The following TSPEAR variants were observed in gnomAD, a reference collection of about 807,000 sequenced individuals.
TSPEAR encodes the protein thrombospondin-type laminin G domain and EAR repeat-containing protein.
TSPEAR carries 69 observed loss-of-function variants against 71.6 expected under a neutral mutation model. The ratio of observed to expected loss-of-function variants is 0.96; its 90% CI spans 0.79 to 1.18. TSPEAR has a LOEUF of 1.18. TSPEAR is among the 50% of genes most tolerant of loss of function. The probability of loss-of-function intolerance (pLI) is 0.00; values close to 1 mark genes in which losing one functional copy is unlikely to be tolerated. For synonymous variants in TSPEAR, 402 were observed against 387.2 expected, an observed-to-expected ratio of 1.04 and a Z score of -0.45; for missense variants, 971 against 894.9, an observed-to-expected ratio of 1.09 and a Z score of -1.09.
intron 1 of TSPEAR, among the ~76,000 whole-genome samples, chr21:44,594,798 T>C (rs1226832119): frequency 6.6e-6 from 1 of 150,952 alleles, no homozygotes; most frequent in Non-Finnish European, 1.5e-5. Flanking sequence ...GTCTCCTCTT[T>C]TTTTCCAAAC....
At chr21:44,584,355 C>G (rs1422445651) in intron 1 of TSPEAR, among the ~76,000 whole-genome samples, 2 of 152,172 alleles carry the variant, frequency 1.3e-5, no homozygotes, top group Non-Finnish European at 2.9e-5. Flanking sequence ...ACTTATGTTG[C>G]TTCCATATCT....
chr21:44,675,866 C>T, intron 1 of TSPEAR: 1 of 688,422 alleles, frequency 1.5e-6, no homozygotes, highest in South Asian at 1.7e-5. Flanking sequence ...TCTTCCTAGA[C>T]CTTACTCTGG....
chr21:44,573,628 T>C, intron 1 of TSPEAR: 1 of 1,472,030 alleles, frequency 6.8e-7, no homozygotes, highest in Non-Finnish European at 9.1e-7. Flanking sequence ...GAGGGCTTGC[T>C]GAGCCTCCTG....
chr21:44,572,588 G>A (rs1433521245), intron 1 of TSPEAR, among the ~76,000 whole-genome samples: 1 of 151,764 alleles, frequency 6.6e-6, no homozygotes, highest in Non-Finnish European at 1.5e-5. Flanking sequence ...CACTTCTGCC[G>A]TGCTTGCCTT....
In TSPEAR at chr21:44,689,712, AATATAT is replaced by A. The variant is rs71199618; in HGVS notation, c.82+21715_82+21720del. On this transcript the variant is annotated intron_variant, in intron 1 of 11. Transcript: ENST00000323084. ...TCCCTTAGAGGGACAGAATAGAATG[AATATAT>A]ATATATATATATATATATATATTTT... Among the ~76,000 whole-genome samples the A allele has an allele frequency of 7.6e-4, 47 of 62,050 alleles. 3 individuals carry two copies. The highest frequency in any genetic ancestry group is 3.0e-3 in the African/African-American group (38 of 12,460). The allele number at this position is 62,050 out of a possible 152,430, so 40.7% of individuals were successfully genotyped here. A position where few individuals can be genotyped will look rare whatever the true frequency, so the allele number is the denominator to read the frequency against.
Position 44,567,944 on chromosome 21 carries a change from G to T in TSPEAR, c.144C>A (p.Ile48=), listed in dbSNP as rs782053283. Reference sequence around the variant, plus strand: ...GTGCACCGTGAACCTGAACTATCCTGATCCCGCTTGTGGCGCCATCAGAAG... The same window carrying T: ...GTGCACCGTGAACCTGAACTATCCTTATCCCGCTTGTGGCGCCATCAGAAG... ...VVPSDGATSG[I]RIVQVHGARG... is the part of the protein sequence containing the mutation. Residue 48 remains isoleucine (I), a synonymous_variant, in exon 2 of 12, where the codon ATC becomes ATA. Coordinates refer to ENST00000323084, the MANE Select transcript of TSPEAR (RefSeq NM_144991.3). 14 of 1,587,458 alleles carry T rather than the reference G, an allele frequency of 8.8e-6. No homozygotes were observed. The highest frequency in any genetic ancestry group is 1.2e-5 in the Non-Finnish European group (14 of 1,163,156).
rs587614669 is a variant in TSPEAR, at chr21:44,560,480, G to A, written c.303+7305C>T. ...ACTTGAACTCAGCTCTGGATCAAAT[G>A]GACCTAATAGACATCTGCAGAACTC... On this transcript the variant is annotated intron_variant, in intron 2 of 11. Transcript: ENST00000323084. Among the ~76,000 whole-genome samples, 10 of 152,266 alleles carry A rather than the reference G, an allele frequency of 6.6e-5. No homozygotes were observed. In the South Asian group the frequency reaches 1.9e-3, roughly 28 times the overall value.
intron 3 of TSPEAR, among the ~76,000 whole-genome samples, chr21:44,532,974 G>A (rs1421282083): frequency 6.6e-6 from 1 of 152,224 alleles, no homozygotes; most frequent in Non-Finnish European, 1.5e-5. Flanking sequence ...GGTTGGGGAA[G>A]GAGTTACTCT....
In TSPEAR at chr21:44,627,307, G is replaced by C. The variant is rs371324099; in HGVS notation, c.83-59302C>G. On this transcript the variant is annotated intron_variant, in intron 1 of 11. Transcript: ENST00000323084. ...CGCCCCGGCCCCCTGCCTGACCCTG[G>C]TCTGCACCCCAGTGAGCCGTGTATC... The C allele has an allele frequency of 2.0e-5, 32 of 1,612,638 alleles. No homozygotes were observed. In the African/African-American group the frequency reaches 2.7e-4, roughly 13 times the overall value.
chr21:44,697,352 G>T, intron 1 of TSPEAR: 1 of 1,612,954 alleles, frequency 6.2e-7, no homozygotes, highest in Non-Finnish European at 8.5e-7. Flanking sequence ...CCTGAGCCTG[G>T]TCTGCACCCC....
chr21:44,628,142 C>A lies in TSPEAR; in HGVS notation c.83-60137G>T, dbSNP rs587609949. ...CCCACCCAGCCTCAGCACAGCTCAA[C>A]ACAGAAGGAGCAGCCCCAGCCACAG... On this transcript the variant is annotated intron_variant, in intron 1 of 11. Transcript: ENST00000323084. The A allele has an allele frequency of 1.1e-3, 1,655 of 1,477,776 alleles. 21 individuals are homozygous for A. The African/African-American group carries it at 0.021, about 19-fold the overall frequency. The allele number at this position is 1,477,776 out of a possible 1,614,324, so 91.5% of individuals were successfully genotyped here.
chr21:44,600,881 C>T, intron 1 of TSPEAR: 14 of 1,611,486 alleles, frequency 8.7e-6, no homozygotes, highest in Non-Finnish European at 1.2e-5. Context: ...TCCTGCACGC[C>T]CTCGTGCTGC....
At chr21:44,551,174 G>A (rs1555918774) in intron 2 of TSPEAR, 1 of 1,568,580 alleles carries the variant, frequency 6.4e-7, no homozygotes, top group South Asian at 1.1e-5. Context: ...AGGCCTGCTG[G>A]CAGGGGGAGG....
At chr21:44,504,991 T>A in intron 10 of TSPEAR, 110 bp from the exon 11 acceptor site, 2 of 753,626 alleles carry the variant, frequency 2.7e-6, no homozygotes, top group East Asian at 5.1e-5. Flanking sequence ...GGGGCCAAAG[T>A]GGGGAGTGAT....
chr21:44,569,419 C>T (rs2053757401), intron 1 of TSPEAR, among the ~76,000 whole-genome samples: 1 of 152,154 alleles, frequency 6.6e-6, no homozygotes, highest in Non-Finnish European at 1.5e-5. Context: ...GCCGTGAGCA[C>T]CCTGGCTGCA....
intron 1 of TSPEAR, among the ~76,000 whole-genome samples, chr21:44,660,588 C>T (rs1985430201): frequency 6.6e-6 from 1 of 152,236 alleles, no homozygotes; most frequent in South Asian, 2.1e-4. Context: ...ATTAACAGCA[C>T]ACGTGCACTA....
intron 1 of TSPEAR, among the ~76,000 whole-genome samples, chr21:44,680,238 T>G (rs587664545): frequency 4.6e-5 from 7 of 152,034 alleles, no homozygotes; most frequent in African/African-American, 1.7e-4. Context: ...AGCACCTGAA[T>G]AGGCATCTCT....
intron 1 of TSPEAR, among the ~76,000 whole-genome samples, chr21:44,592,877 G>C (rs1333444067): frequency 6.6e-6 from 1 of 152,122 alleles, no homozygotes; most frequent in Non-Finnish European, 1.5e-5. Context: ...CTCATCCAGC[G>C]TGGTCCTTCC....
chr21:44,622,684 C>T lies in TSPEAR; in HGVS notation c.83-54679G>A, dbSNP rs143758728. 5.5e-3 allele frequency among the ~76,000 whole-genome samples: 843 copies of T among 152,294 alleles called. 7 individuals are homozygous for T. The highest frequency in any genetic ancestry group is 0.019 in the African/African-American group (800 of 41,562). ...TTCCTTCTCCTTTCTCTGATAAAGA[C>T]ATTAGTCATTGGATTTAAGGTTCAC... On this transcript the variant is annotated intron_variant, in intron 1 of 11. Transcript: ENST00000323084.
Sources: gnomAD v4.1 joint callset for allele counts (sites outside exome capture counted in the v4.1 genomes callset) on GRCh38, gnomAD v4.1.1 for gene constraint, MANE v1.5 for transcripts, NCBI Gene and HGNC (gene_info 2026-07-23, HGNC 2026-07-21) for gene names.